The following FNDC7 variants were observed in gnomAD, a reference collection of about 807,000 sequenced individuals.
FNDC7 encodes the protein fibronectin type III domain-containing protein 7.
A neutral mutation model predicts 74.2 loss-of-function variants in FNDC7; 66 were observed. That is an observed-to-expected ratio of 0.89 (90% confidence interval 0.73 to 1.09). The LOEUF is 1.09. Among genes scored for constraint, FNDC7 ranks in the 50% least tolerant of loss-of-function variants. FNDC7 has a pLI of 0.00. For missense variants in FNDC7, 829 were observed against 893.4 expected, an observed-to-expected ratio of 0.93 and a Z score of 0.92; for synonymous variants, 307 against 330.2, an observed-to-expected ratio of 0.93 and a Z score of 0.76.
intron 10 of FNDC7, among the ~76,000 whole-genome samples, chr1:108,736,723 T>G (rs1164593903): frequency 6.6e-6 from 1 of 152,158 alleles, no homozygotes; most frequent in Non-Finnish European, 1.5e-5. Context: ...ACATTAGGTA[T>G]CTAGACTCAA....
At position 108,730,848 on chromosome 1, in the gene FNDC7, G is replaced by T; in HGVS notation, c.1799G>T (p.Gly600Val). Residue 600 changes from glycine (G) to valine (V), a missense_variant, in exon 9 of 13, where the codon GGC becomes GTC. By Grantham distance (109) the Gly-to-Val change is moderately radical (BLOSUM62 -3). Coordinates refer to ENST00000370017, the MANE Select transcript of FNDC7 (RefSeq NM_001144937.3). Reference protein sequence around the residue: ...NHCLLGCITCGINYTVTLKAI... With the variant: ...NHCLLGCITCVINYTVTLKAI... ...TGCCTCCTAGGATGCATCACATGTG[G>T]CATCAATTACACAGTGACATTAAAA... 1 of 1,613,996 alleles carries T rather than the reference G, an allele frequency of 6.2e-7. No individual in the cohort carries two copies. Among genetic ancestry groups the T allele is most frequent in the Non-Finnish European group, 8.5e-7 (1 of 1,179,924 alleles).
At chr1:108,713,676 C>T in intron 2 of FNDC7, 147 bp downstream of exon 2, 1 of 656,026 alleles carries the variant, frequency 1.5e-6, no homozygotes, top group Non-Finnish European at 2.6e-6. Context: ...GCTAAGCACT[C>T]TATTGGGTCC....
intron 4 of FNDC7, among the ~76,000 whole-genome samples, chr1:108,719,859 A>G (rs1169163942): frequency 6.6e-6 from 1 of 152,124 alleles, no homozygotes; most frequent in Non-Finnish European, 1.5e-5. Context: ...GGAGACTCTC[A>G]CCAACCAGAT....
intron 2 of FNDC7, among the ~76,000 whole-genome samples, chr1:108,713,789 G>A (rs149168094): frequency 2.2e-3 from 329 of 152,310 alleles, no homozygotes; most frequent in African/African-American, 7.4e-3. Context: ...AGCCATGTAG[G>A]CATGCATTTT....
intron 5 of FNDC7, among the ~76,000 whole-genome samples, chr1:108,724,950 G>A (rs1345158886): frequency 3.3e-5 from 5 of 151,588 alleles, no homozygotes. Flanking sequence ...GCATGGTGGT[G>A]CACACCTGTA....
chr1:108,719,040 CAG>C lies in FNDC7; in HGVS notation c.593_594del (p.Arg198AsnfsTer15). 1.3e-6 allele frequency: 2 copies of C among 1,552,192 alleles called. No individual in the cohort carries two copies. The highest frequency in any genetic ancestry group is 1.7e-4 in the Middle Eastern group (1 of 5,998). ...CCCTGGGGATGACTCCACCTGCAAT[CAG>C]AGAACAAGTAAGAACTTCTCAGCTC... ...RIPGDDSTCN[Q>X]RTSPRAPANI... On this transcript the variant is annotated frameshift_variant, in exon 4 of 13. Transcript: ENST00000370017. LOFTEE classifies it high-confidence loss of function.
In FNDC7 at chr1:108,733,330, C is replaced by T; in HGVS notation, c.1938C>T (p.Ile646=). The T allele has an allele frequency of 2.5e-6, 4 of 1,614,138 alleles. No homozygotes were observed. The highest frequency in any genetic ancestry group is 3.4e-6 in the Non-Finnish European group (4 of 1,180,028). ...GGCTGGGCCCTAATGGCATCCGGAT[C>T]TACTGGCAAGCCTCCAGGGGCTCTG... is the stretch of plus-strand genomic sequence containing the variant. The part of the protein sequence containing the change: ...LYRLGPNGIR[I]YWQASRGSAN... The change falls in exon 10 of 13, where the codon ATC becomes ATT. Residue 646 remains isoleucine, a synonymous_variant. Coordinates refer to ENST00000370017, the MANE Select transcript of FNDC7 (RefSeq NM_001144937.3).
chr1:108,734,651 G>A (rs1661469779), intron 10 of FNDC7: 2 of 152,202 alleles, frequency 1.3e-5, no homozygotes, highest in South Asian at 4.1e-4. Flanking sequence ...TGTTCTCATT[G>A]TCCCTGGCTG....
rs1336963605 is a variant in FNDC7, at chr1:108,722,610, A to C, written c.856+18A>C. 5 of 1,600,724 alleles carry C rather than the reference A, an allele frequency of 3.1e-6. No homozygotes were observed. In the Admixed American group the frequency reaches 8.4e-5, roughly 27 times the overall value. On this transcript the variant is annotated intron_variant, in intron 5 of 12. Transcript: ENST00000370017. ...GAAAACTGGTATGTAAACAAGAGTGAGACTGCTGTCGGGCTTGCAGCCCTG... is the reference window on the plus strand; with the variant it reads ...GAAAACTGGTATGTAAACAAGAGTGCGACTGCTGTCGGGCTTGCAGCCCTG...
intron 4 of FNDC7, among the ~76,000 whole-genome samples, chr1:108,721,105 A>G (rs4970805): frequency 0.92 from 139,349 of 152,276 alleles, 64,978 homozygotes; most frequent in Non-Finnish European, 1. Context: ...GGGGCCTGTC[A>G]AGATGGCCCA....
intron 11 of FNDC7, among the ~76,000 whole-genome samples, chr1:108,740,019 G>A (rs903328900): frequency 1.0e-5 from 1 of 99,636 alleles, no homozygotes; most frequent in African/African-American, 4.3e-5. Context: ...TGCCCTCAAC[G>A]CCATCTCTCT....
Position 108,726,010 on chromosome 1 carries a change from T to G in FNDC7, c.1111+6T>G, listed in dbSNP as rs370253483. 396 of 1,613,716 alleles carry G rather than the reference T, an allele frequency of 2.5e-4. 1 individual carries two copies. The highest frequency in any genetic ancestry group is 3.0e-4 in the Non-Finnish European group (359 of 1,179,836). ...CATATTCAATTATACCACAGGTAAG[T>G]CCCATTTGATGTTTGTTAAGGGAGT... is the stretch of plus-strand genomic sequence containing the variant. On this transcript the variant is annotated splice_donor_region_variant and intron_variant, in intron 6 of 12. Coordinates refer to ENST00000370017, the MANE Select transcript of FNDC7 (RefSeq NM_001144937.3).
Position 108,727,893 on chromosome 1 carries a change from A to G in FNDC7, c.1197A>G (p.Glu399=), listed in dbSNP as rs768766042. Residue 399 remains glutamate, a synonymous_variant, in exon 7 of 13, where the codon GAA becomes GAG. Transcript: ENST00000370017. ...TCTGGTCTCCTGTCCGTGGTGCCGA[A>G]CTGTATGAAACCAAGGCTGTAGATG... The part of the protein sequence containing the change: ...EIVWSPVRGA[E]LYETKAVDGY... 6 of 1,614,080 alleles carry G rather than the reference A, an allele frequency of 3.7e-6. No individual in the cohort carries two copies. The highest frequency in any genetic ancestry group is 1.7e-5 in the Admixed American group (1 of 59,992).
intron 2 of FNDC7, among the ~76,000 whole-genome samples, chr1:108,716,737 T>G (rs374919972): frequency 1.6e-4 from 24 of 152,116 alleles, no homozygotes; most frequent in South Asian, 4.1e-4. Flanking sequence ...GAGAATCACC[T>G]GTCTGTCTTT....
rs1179538713 is a variant in FNDC7, at chr1:108,728,553, C to T, written c.1370-79C>T. ...AAAACTGTGATGATCTCACTGGGGG[C>T]AAAATCAGTTTTAGACCAAATGGCA... is the stretch of plus-strand genomic sequence containing the variant. On this transcript the variant is annotated intron_variant, in intron 7 of 12. Coordinates refer to ENST00000370017, the MANE Select transcript of FNDC7 (RefSeq NM_001144937.3). 2.6e-6 allele frequency: 4 copies of T among 1,557,356 alleles called. No homozygotes were observed. In the African/African-American group the frequency reaches 5.4e-5, roughly 21 times the overall value.
At chr1:108,724,956 C>T (rs956076486) in intron 5 of FNDC7, among the ~76,000 whole-genome samples, 2 of 151,646 alleles carry the variant, frequency 1.3e-5, no homozygotes, top group South Asian at 4.1e-4. Flanking sequence ...TGGTGCACAC[C>T]TGTAGTCCCA....
rs191639560 is a variant in FNDC7 at position 108,718,548 on chromosome 1, G to C, written c.338-241G>C. 5.9e-5 allele frequency among the ~76,000 whole-genome samples: 9 copies of C among 152,242 alleles called. No homozygotes were observed. In the East Asian group the frequency reaches 1.5e-3, roughly 26 times the overall value. On this transcript the variant is annotated intron_variant, in intron 3 of 12. Transcript: ENST00000370017. Reference sequence around the variant, plus strand: ...TATAGGAATGTTTTATCTAATTTCTGACTAACTTCAGTTAAAAGTAGTGCC... The same window carrying C: ...TATAGGAATGTTTTATCTAATTTCTCACTAACTTCAGTTAAAAGTAGTGCC...
chr1:108,737,297 T>C (rs1402470888), intron 10 of FNDC7, among the ~76,000 whole-genome samples, 198 bp from the exon 11 acceptor site: 1 of 152,168 alleles, frequency 6.6e-6, no homozygotes, highest in Admixed American at 6.5e-5. Flanking sequence ...TTCTTACTGC[T>C]TTTCAGATAA....
rs776415530 is a variant in FNDC7, at chr1:108,725,891, C to T, written c.998C>T (p.Ser333Phe). 4 of 1,613,986 alleles carry T rather than the reference C, an allele frequency of 2.5e-6. No individual in the cohort carries two copies. Among genetic ancestry groups the T allele is most frequent in the Non-Finnish European group, 2.5e-6 (3 of 1,180,022 alleles). Residue 333 changes from serine to phenylalanine, a missense_variant, in exon 6 of 13, where the codon TCT becomes TTT. Physicochemically the swap from Ser to Phe is radical, Grantham distance 155. Transcript: ENST00000370017. ...GGCTTGGAAGTACACTGCAACACAT[C>T]TCTCACTCAGTGCAACTTCTTATCT... is the stretch of plus-strand genomic sequence containing the variant. Reference protein sequence around the residue: ...DDGLEVHCNTSLTQCNFLSEC... With the variant: ...DDGLEVHCNTFLTQCNFLSEC...
Sources: allele counts gnomAD v4.1 joint callset (sites outside exome capture counted in the v4.1 genomes callset), GRCh38; gene constraint gnomAD v4.1.1; transcripts MANE v1.5; gene names NCBI Gene and HGNC (gene_info 2026-07-23, HGNC 2026-07-21).